Variants in SETD5 observed in about 807,000 individuals in gnomAD.
SETD5 encodes histone-lysine N-methyltransferase SETD5.
A neutral mutation model predicts 153.3 loss-of-function variants in SETD5; 44 were observed. The ratio of observed to expected loss-of-function variants is 0.29; its 90% CI spans 0.23 to 0.37. The LOEUF (loss-of-function observed/expected upper bound fraction) is 0.37, where lower values mean the gene tolerates loss of function less well. Among genes scored for constraint, SETD5 ranks in the 10% least tolerant of loss-of-function variants. The pLI, the probability that SETD5 is intolerant of heterozygous loss-of-function variation, is 1.00. For synonymous variants in SETD5, 716 were observed against 645.2 expected (o/e 1.11, Z -1.66); for missense variants, 1,544 against 1,768.0 (o/e 0.87, Z 2.27).
At chr3:9,461,690 T>C (rs1464366400) in intron 17 of SETD5, among the ~76,000 whole-genome samples, 6 of 152,350 alleles carry the variant, frequency 3.9e-5, no homozygotes, top group Admixed American at 3.9e-4. Flanking sequence ...TCAGTAAATA[T>C]ATGTTGAATG....
chr3:9,445,821 T>C, intron 13 of SETD5, 81 bp downstream of exon 13: 5 of 932,172 alleles, frequency 5.4e-6, no homozygotes, highest in Non-Finnish European at 7.7e-6. Flanking sequence ...CTCTTGACTT[T>C]GTATCATCTC....
rs2045213365 is a variant in SETD5, at chr3:9,470,799, C to A, written c.3065C>A (p.Ala1022Glu). Reference protein sequence around the residue: ...LHLDGGYCSPAEGFSSRYEHG... With the variant: ...LHLDGGYCSPEEGFSSRYEHG... ...TTGGATGGGGGATATTGTTCCCCTG[C>A]AGAAGGATTTTCCAGCAGATATGAA... The change falls in exon 19 of 23, where the codon GCA (alanine) becomes GAA (glutamate). Residue 1022 changes from alanine to glutamate, a missense_variant. Ala to Glu is a moderately radical substitution (Grantham distance 107). Coordinates refer to ENST00000402198, the MANE Select transcript of SETD5 (RefSeq NM_001080517.3). 6.2e-7 allele frequency: 1 copy of A among 1,613,678 alleles called. No homozygotes were observed. The highest frequency in any genetic ancestry group is 8.5e-7 in the Non-Finnish European group (1 of 1,179,732).
intron 1 of SETD5, among the ~76,000 whole-genome samples, chr3:9,406,735 C>T (rs1040605531): frequency 4.9e-4 from 75 of 151,982 alleles, no homozygotes; most frequent in African/African-American, 1.8e-3. Flanking sequence ...ACTTTAATGT[C>T]GTAATTTAGT....
chr3:9,436,626 C>T (rs377578479), intron 7 of SETD5, among the ~76,000 whole-genome samples: 1 of 152,142 alleles, frequency 6.6e-6, no homozygotes, highest in East Asian at 1.9e-4. Context: ...TGTTAATTAC[C>T]TAGCTTCACA....
Position 9,470,795 on chromosome 3 carries a change from C to T in SETD5, c.3061C>T (p.Pro1021Ser). The T allele has an allele frequency of 1.9e-6, 3 of 1,613,664 alleles. No homozygotes were observed. The highest frequency in any genetic ancestry group is 2.5e-6 in the Non-Finnish European group (3 of 1,179,748). The change falls in exon 19 of 23, where the codon CCT (proline) becomes TCT (serine). Residue 1021 changes from proline (P) to serine (S), a missense_variant. Coordinates refer to ENST00000402198, the MANE Select transcript of SETD5 (RefSeq NM_001080517.3). ...ACATTTGGATGGGGGATATTGTTCCCCTGCAGAAGGATTTTCCAGCAGATA... is the reference window on the plus strand; with the variant it reads ...ACATTTGGATGGGGGATATTGTTCCTCTGCAGAAGGATTTTCCAGCAGATA... Reference protein sequence around the residue: ...PLHLDGGYCSPAEGFSSRYEH... With the variant: ...PLHLDGGYCSSAEGFSSRYEH...
At chr3:9,465,409 AC>A (rs2044435850) in intron 18 of SETD5, among the ~76,000 whole-genome samples, 1 of 152,208 alleles carries the variant, frequency 6.6e-6, no homozygotes, top group Admixed American at 6.5e-5. Flanking sequence ...CTTTTTTAAA[AC>A]ACTTCATCTA....
chr3:9,441,555 T>C, intron 8 of SETD5, 38 bp from the exon 9 acceptor site: 3 of 1,605,430 alleles, frequency 1.9e-6, no homozygotes, highest in Non-Finnish European at 2.6e-6. Flanking sequence ...TAAGGTGTTC[T>C]TGCTGTTGTT....
intron 16 of SETD5, among the ~76,000 whole-genome samples, chr3:9,449,930 C>CT (rs1362422725): frequency 1.3e-5 from 2 of 152,192 alleles, no homozygotes; most frequent in African/African-American, 4.8e-5. Flanking sequence ...GTACAATCTC[C>CT]TATTTTGGTC....
intron 1 of SETD5, among the ~76,000 whole-genome samples, chr3:9,422,208 TC>T (rs2038514724): frequency 6.6e-6 from 1 of 152,176 alleles, no homozygotes; most frequent in Admixed American, 6.5e-5. Flanking sequence ...ATGAAAATAA[TC>T]TGATCCTTTA....
chr3:9,420,060 G>A (rs1435485826), intron 1 of SETD5, among the ~76,000 whole-genome samples: 3 of 152,076 alleles, frequency 2.0e-5, no homozygotes, highest in Admixed American at 1.3e-4. Context: ...AATTATTTGA[G>A]GGCATCATCT....
intron 18 of SETD5, among the ~76,000 whole-genome samples, chr3:9,466,478 A>G (rs2044599758): frequency 6.6e-6 from 1 of 152,006 alleles, no homozygotes; most frequent in Admixed American, 6.6e-5. Flanking sequence ...AATACAGTCC[A>G]TGCATAATGT....
At chr3:9,466,874 C>T (rs940093859) in intron 18 of SETD5, among the ~76,000 whole-genome samples, 1 of 151,992 alleles carries the variant, frequency 6.6e-6, no homozygotes, top group Non-Finnish European at 1.5e-5. Context: ...AAATAAAATA[C>T]AAAACTTAGC....
chr3:9,431,219 T>A (rs1458423777), intron 3 of SETD5: 8 of 985,318 alleles, frequency 8.1e-6, no homozygotes, highest in Non-Finnish European at 9.6e-6. Context: ...AAGATTTTTC[T>A]GAATTTCCAA....
At chr3:9,435,158 G>A (rs552398808) in intron 6 of SETD5, among the ~76,000 whole-genome samples, 45 of 150,216 alleles carry the variant, frequency 3.0e-4, no homozygotes, top group Admixed American at 2.4e-3. Context: ...CAGGAGAATC[G>A]CTTGAACCCG....
At chr3:9,413,665 T>C (rs2036957939) in intron 1 of SETD5, among the ~76,000 whole-genome samples, 2 of 151,602 alleles carry the variant, frequency 1.3e-5, no homozygotes, top group Non-Finnish European at 2.9e-5. Flanking sequence ...TGTGTGTGTG[T>C]GTGTGTGTGT....
intron 1 of SETD5, among the ~76,000 whole-genome samples, chr3:9,419,531 A>G (rs185856440): frequency 2.0e-5 from 3 of 152,282 alleles, no homozygotes; most frequent in South Asian, 2.1e-4. Flanking sequence ...GCACCAAAGC[A>G]CTCCAACCTG....
chr3:9,434,326 C>A lies in SETD5; in HGVS notation c.178-8C>A. 1 of 1,613,774 alleles carries A rather than the reference C, an allele frequency of 6.2e-7. No homozygotes were observed. The highest frequency in any genetic ancestry group is 8.5e-7 in the Non-Finnish European group (1 of 1,179,704). On this transcript the variant is annotated splice_region_variant and splice_polypyrimidine_tract_variant and intron_variant, in intron 4 of 22. Coordinates refer to ENST00000402198, the MANE Select transcript of SETD5 (RefSeq NM_001080517.3). This position sits in a 1 kb window ranked among gnomAD's most constrained non-coding sequence, Gnocchi z 5.6. ...CCTCCGACACCTCCTGCTTCTCCCCCTGTCCAGACGATCATCCCTCGTTCT... is the reference window on the plus strand; with the variant it reads ...CCTCCGACACCTCCTGCTTCTCCCCATGTCCAGACGATCATCCCTCGTTCT...
intron 17 of SETD5, among the ~76,000 whole-genome samples, chr3:9,457,344 T>G (rs2043380510): frequency 6.6e-6 from 1 of 152,118 alleles, no homozygotes; most frequent in Non-Finnish European, 1.5e-5. Flanking sequence ...AAAAATTAGC[T>G]GTGCGTGGTG....
chr3:9,451,544 C>T (rs925664379), intron 16 of SETD5, among the ~76,000 whole-genome samples: 2 of 152,128 alleles, frequency 1.3e-5, no homozygotes, highest in African/African-American at 4.8e-5. Context: ...ACCTCCTGGG[C>T]TCAAATGGTC....
Sources: gnomAD v4.1 joint callset for allele counts (sites outside exome capture counted in the v4.1 genomes callset) on GRCh38, gnomAD v4.1.1 for gene constraint, Gnocchi (gnomAD v3.1) non-coding constraint, MANE v1.5 for transcripts, NCBI Gene and HGNC (gene_info 2026-07-23, HGNC 2026-07-21) for gene names.